Variants in PRSS22 observed in about 807,000 individuals in gnomAD.
PRSS22 encodes the protein serine protease 22, also known as brain-specific serine protease 4.
Under a neutral mutation model 28.0 loss-of-function variants are expected in PRSS22, and 26 were observed. The observed-to-expected ratio is 0.93, with a 90% CI of 0.68 to 1.29. The LOEUF (loss-of-function observed/expected upper bound fraction) is 1.29, where lower values mean the gene tolerates loss of function less well. Ranked by LOEUF, PRSS22 falls within the 50% of genes most tolerant of loss-of-function variation. The pLI, the probability that PRSS22 is intolerant of heterozygous loss-of-function variation, is 0.00. For missense variants in PRSS22, 444 were observed against 422.1 expected, an observed-to-expected ratio of 1.05 and a Z score of -0.46; for synonymous variants, 217 against 177.9, an observed-to-expected ratio of 1.22 and a Z score of -1.75.
In PRSS22 at chr16:2,853,071, G is replaced by C; in HGVS notation, c.*22C>G. The C allele has an allele frequency of 6.7e-7, 1 of 1,490,644 alleles. No individual in the cohort carries two copies. Among genetic ancestry groups the C allele is most frequent in the East Asian group, 2.3e-5 (1 of 42,866 alleles). The allele number at this position is 1,490,644 out of a possible 1,614,324, so 92.3% of individuals were successfully genotyped here. ...GTGGATCTGGCCGCCTTTCAGATCC[G>C]AGCCCCGCGTCCCGCTGCGCCCTAG... On this transcript the variant is annotated 3_prime_UTR_variant, in exon 6 of 6. Coordinates refer to ENST00000161006, the MANE Select transcript of PRSS22 (RefSeq NM_022119.4). The surrounding 1 kb of genome is among the most constrained non-coding windows in gnomAD (Gnocchi z 4.6).
At position 2,858,079 on chromosome 16, in the gene PRSS22, G is replaced by T; in HGVS notation, c.26C>A (p.Ala9Asp). MVVSGAPPALGGGCLGTFT... is the reference protein window; with the variant it reads MVVSGAPPDLGGGCLGTFT... ...GGTGCCGAGACAGCCCCCACCCAGG[G>T]CTGGGGGCGCTCCAGAAACCACCAT... The change falls in exon 1 of 6, where the codon GCC (alanine) becomes GAC (aspartate). Residue 9 changes from alanine (A) to aspartate (D), a missense_variant. By Grantham distance (126) the Ala-to-Asp change is moderately radical. Coordinates refer to ENST00000161006, the MANE Select transcript of PRSS22 (RefSeq NM_022119.4). 1 of 1,272,656 alleles carries T rather than the reference G, an allele frequency of 7.9e-7. No homozygotes were observed. The allele number at this position is 1,272,656 out of a possible 1,614,324, so 78.8% of individuals were successfully genotyped here. A position where few individuals can be genotyped will look rare whatever the true frequency, so the allele number is the denominator to read the frequency against.
At position 2,853,783 on chromosome 16, in the gene PRSS22, T is replaced by C; in HGVS notation, c.717+82A>G. The C allele has an allele frequency of 6.7e-7, 1 of 1,500,822 alleles. No individual in the cohort carries two copies. Among genetic ancestry groups the C allele is most frequent in the Non-Finnish European group, 9.0e-7 (1 of 1,105,122 alleles). The allele number at this position is 1,500,822 out of a possible 1,614,324, so 93.0% of individuals were successfully genotyped here. ...TGGGGAGGAGGCCAGGGAGAGGTTG[T>C]GGGGCTCAGTGGGGACAGGACTGAC... is the stretch of plus-strand genomic sequence containing the variant. On this transcript the variant is annotated intron_variant, in intron 5 of 5. Coordinates refer to ENST00000161006, the MANE Select transcript of PRSS22 (RefSeq NM_022119.4). The surrounding 1 kb of genome is among the most constrained non-coding windows in gnomAD (Gnocchi z 4.6).
At chr16:2,857,834 C>G in intron 1 of PRSS22, 189 bp downstream of exon 1, 1 of 423,538 alleles carries the variant, frequency 2.4e-6, no homozygotes, top group Non-Finnish European at 4.0e-6. Context: ...GTACTTGCTG[C>G]GTTTTCTGTT....
intron 1 of PRSS22, chr16:2,857,533 C>A: frequency 5.5e-6 from 1 of 180,684 alleles, no homozygotes; most frequent in Non-Finnish European, 1.2e-5. Context: ...TTTCCTGGGG[C>A]CTGGCCAGGC....
rs2069414929 is a variant in PRSS22, at chr16:2,852,794, C to T, written c.*299G>A. The T allele has an allele frequency of 2.4e-5, 10 of 415,062 alleles. No individual in the cohort carries two copies. The South Asian group carries it at 4.8e-4, about 20-fold the overall frequency. 25.7% of individuals were successfully genotyped at this position (415,062 alleles called of 1,614,324 possible). A position where few individuals can be genotyped will look rare whatever the true frequency, so the allele number is the denominator to read the frequency against. On this transcript the variant is annotated 3_prime_UTR_variant, in exon 6 of 6. Transcript: ENST00000161006. ...AGATATGTGGGCAGGGTTACAAATA[C>T]CTATAAAAATCATTAACATTTATAT...
At position 2,853,456 on chromosome 16, in the gene PRSS22, G is replaced by C; in HGVS notation, c.718-127C>G. The C allele has an allele frequency of 2.6e-6, 2 of 763,042 alleles. No homozygotes were observed. The highest frequency in any genetic ancestry group is 4.2e-6 in the Non-Finnish European group (2 of 481,780). The allele number at this position is 763,042 out of a possible 1,614,324, so 47.3% of individuals were successfully genotyped here. On this transcript the variant is annotated intron_variant, in intron 5 of 5. Transcript: ENST00000161006. This position sits in a 1 kb window ranked among gnomAD's most constrained non-coding sequence, Gnocchi z 4.6. ...CCGTTTCTCCTTCCTGGAGGAGACA[G>C]GACCTGAGCTCCACCCAGGTGAGAA...
At chr16:2,855,339 C>T (rs1413957538) in intron 4 of PRSS22, among the ~76,000 whole-genome samples, 2 of 68,128 alleles carry the variant, frequency 2.9e-5, no homozygotes, top group East Asian at 2.8e-4. Flanking sequence ...CAGAGTAACA[C>T]CCTGTCTCAA....
At chr16:2,856,600 ACT>A in intron 2 of PRSS22, among the ~76,000 whole-genome samples, 1 of 145,272 alleles carries the variant, frequency 6.9e-6, no homozygotes, top group East Asian at 2.0e-4. Context: ...CCTGCTTTCC[ACT>A]CTGTTCACCT....
Position 2,856,808 on chromosome 16 carries a change from C to T in PRSS22, c.109+14G>A. ...TCCCTTCTCCCTCCCGTCAGAGCTG[C>T]CAGCTCCACTCACCAGGTATCCTGG... On this transcript the variant is annotated intron_variant, in intron 2 of 5. Transcript: ENST00000161006. 7 of 1,552,032 alleles carry T rather than the reference C, an allele frequency of 4.5e-6. No individual in the cohort carries two copies. Among genetic ancestry groups the T allele is most frequent in the Non-Finnish European group, 6.1e-6 (7 of 1,147,138 alleles).
chr16:2,855,896 A>G, intron 3 of PRSS22, 45 bp from the exon 4 acceptor site: 1 of 1,585,974 alleles, frequency 6.3e-7, no homozygotes, highest in Non-Finnish European at 8.6e-7. Context: ...CTGGTCTGGG[A>G]GGAGGTACCT....
chr16:2,853,615 C>T lies in PRSS22; in HGVS notation c.717+250G>A, dbSNP rs983893612. ...GCTCTGGGCACTGAGGCGTGGGAAG[C>T]CCCCTGAAGGAAATGAAAGCTCGCG... On this transcript the variant is annotated intron_variant, in intron 5 of 5. Coordinates refer to ENST00000161006, the MANE Select transcript of PRSS22 (RefSeq NM_022119.4). This position sits in a 1 kb window ranked among gnomAD's most constrained non-coding sequence, Gnocchi z 4.6. 5.3e-5 allele frequency among the ~76,000 whole-genome samples: 8 copies of T among 152,218 alleles called. No individual in the cohort carries two copies. The highest frequency in any genetic ancestry group is 5.2e-4 in the Admixed American group (8 of 15,282).
chr16:2,855,963 T>C (rs1475876045), intron 3 of PRSS22, 112 bp from the exon 4 acceptor site: 3 of 1,507,210 alleles, frequency 2.0e-6, no homozygotes, highest in Non-Finnish European at 2.7e-6. Flanking sequence ...CTAGGTAGAA[T>C]CGAGGGGCAC....
rs33950878 is a variant in PRSS22, at chr16:2,855,347, C to CAAAAAAAAAAAAA, written c.559+214_559+226dup. Among the ~76,000 whole-genome samples, 163 of 68,934 alleles carry CAAAAAAAAAAAAA rather than the reference C, an allele frequency of 2.4e-3. 4 individuals carry two copies. The highest frequency in any genetic ancestry group is 4.8e-3 in the Admixed American group (26 of 5,428). The allele number at this position is 68,934 out of a possible 152,430, so 45.2% of individuals were successfully genotyped here. ...TGGGTGACAGAGTAACACCCTGTCTCAAAAAAAAAAAAAAAAAAAAGAAGA... is the reference window on the plus strand; with the variant it reads ...TGGGTGACAGAGTAACACCCTGTCTCAAAAAAAAAAAAAAAAAAAAAAAAAAAAAAAAAGAAGA... On this transcript the variant is annotated intron_variant, in intron 4 of 5. Transcript: ENST00000161006.
At position 2,853,122 on chromosome 16, in the gene PRSS22, G is replaced by C. The variant is rs2069420997; in HGVS notation, c.925C>G (p.Gln309Glu). ...GAGCGCGCGGCGGCCCCAGAGCCCT[G>C]GCTCGGTGCCCTGAGGGCCCCACCC... is the stretch of plus-strand genomic sequence containing the variant. Reference protein sequence around the residue: ...QGGGALRAPSQGSGAAARS With the variant: ...QGGGALRAPSEGSGAAARS The change falls in exon 6 of 6, where the codon CAG becomes GAG. Residue 309 changes from glutamine to glutamate, a missense_variant. Gln to Glu is a conservative substitution (Grantham distance 29). Coordinates refer to ENST00000161006, the MANE Select transcript of PRSS22 (RefSeq NM_022119.4). The surrounding 1 kb of genome is among the most constrained non-coding windows in gnomAD (Gnocchi z 4.6). The C allele has an allele frequency of 6.3e-7, 1 of 1,595,386 alleles. No homozygotes were observed. The highest frequency in any genetic ancestry group is 1.3e-5 in the African/African-American group (1 of 74,788).
chr16:2,854,654 T>C (rs2069438596), intron 4 of PRSS22, among the ~76,000 whole-genome samples: 1 of 152,240 alleles, frequency 6.6e-6, no homozygotes, highest in African/African-American at 2.4e-5. Flanking sequence ...AGGTCTTCAT[T>C]GTATCCTCAT....
At chr16:2,855,515 T>C in intron 4 of PRSS22, 59 bp downstream of exon 4, 3 of 1,585,608 alleles carry the variant, frequency 1.9e-6, no homozygotes, top group Non-Finnish European at 2.6e-6. Flanking sequence ...TGTCCCTGAG[T>C]GTCTGCCATC....
At position 2,853,011 on chromosome 16, in the gene PRSS22, A is replaced by T; in HGVS notation, c.*82T>A. ...AGATGAGCCTATTTACGGCGGGGGA[A>T]ACCGCCCGAGGCCGCCGCAGATCCA... is the stretch of plus-strand genomic sequence containing the variant. On this transcript the variant is annotated 3_prime_UTR_variant, in exon 6 of 6. Coordinates refer to ENST00000161006, the MANE Select transcript of PRSS22 (RefSeq NM_022119.4). The surrounding 1 kb of genome is among the most constrained non-coding windows in gnomAD (Gnocchi z 4.6). 2 of 979,044 alleles carry T rather than the reference A, an allele frequency of 2.0e-6. No individual in the cohort carries two copies. 60.6% of individuals were successfully genotyped at this position (979,044 alleles called of 1,614,324 possible).
At chr16:2,856,877 C>T in intron 1 of PRSS22, 29 bp from the exon 2 acceptor site, 3 of 1,551,558 alleles carry the variant, frequency 1.9e-6, no homozygotes, top group African/African-American at 1.4e-5. Context: ...AACGGTTAGG[C>T]CGGTGAGGGG....
At chr16:2,854,089 T>C (rs1232834668) in intron 4 of PRSS22, 67 bp from the exon 5 acceptor site, 23 of 1,563,262 alleles carry the variant, frequency 1.5e-5, no homozygotes, top group Non-Finnish European at 1.9e-5. Flanking sequence ...CAAAGGACTA[T>C]TCCCCCCCAA....
Sources: gnomAD v4.1 joint callset for allele counts (sites outside exome capture counted in the v4.1 genomes callset) on GRCh38, gnomAD v4.1.1 for gene constraint, Gnocchi (gnomAD v3.1) non-coding constraint, MANE v1.5 for transcripts, NCBI Gene and HGNC (gene_info 2026-07-23, HGNC 2026-07-21) for gene names.